The following CNTNAP5 variants were observed in gnomAD, a reference collection of about 807,000 sequenced individuals.
The protein encoded by CNTNAP5 is contactin-associated protein-like 5.
CNTNAP5 carries 72 observed loss-of-function variants against 150.2 expected under a neutral mutation model. The observed-to-expected ratio is 0.48, with a 90% CI of 0.40 to 0.58. The LOEUF is 0.58. Ranked by LOEUF, CNTNAP5 falls within the 20% of genes least tolerant of loss-of-function variation. The probability of loss-of-function intolerance (pLI) is 0.00; values close to 1 mark genes in which losing one functional copy is unlikely to be tolerated. For missense variants in CNTNAP5, 1,636 were observed against 1,626.2 expected (o/e 1.01, Z -0.10); for synonymous variants, 672 against 619.8 (o/e 1.08, Z -1.25).
chr2:124,460,286 A>T (rs969943658), intron 6 of CNTNAP5, among the ~76,000 whole-genome samples: 1 of 152,158 alleles, frequency 6.6e-6, no homozygotes, highest in African/African-American at 2.4e-5. Context: ...TTTACTGCAT[A>T]CCCTCTTTAA....
chr2:124,821,011 G>C (rs1371809033), intron 19 of CNTNAP5, among the ~76,000 whole-genome samples: 1 of 152,224 alleles, frequency 6.6e-6, no homozygotes, highest in African/African-American at 2.4e-5. Flanking sequence ...CAGGCTCTTT[G>C]TCAAAGGAAG....
At chr2:124,367,493 C>A (rs1013143439) in intron 3 of CNTNAP5, among the ~76,000 whole-genome samples, 4 of 152,176 alleles carry the variant, frequency 2.6e-5, no homozygotes, top group African/African-American at 9.7e-5. Flanking sequence ...TTACCTCCCA[C>A]TGGGTCCCTC....
chr2:124,486,535 A>G (rs1693884037), intron 7 of CNTNAP5, among the ~76,000 whole-genome samples: 2 of 152,252 alleles, frequency 1.3e-5, no homozygotes, highest in South Asian at 4.1e-4. Context: ...TAATTAGCAC[A>G]ACTGCCAATC....
chr2:124,261,711 C>T (rs1218320135), intron 3 of CNTNAP5, among the ~76,000 whole-genome samples: 1 of 152,134 alleles, frequency 6.6e-6, no homozygotes, highest in Non-Finnish European at 1.5e-5. Flanking sequence ...AGGCAAGTTA[C>T]TATTTCTGCA....
chr2:124,110,412 TA>T (rs914647522), intron 1 of CNTNAP5, among the ~76,000 whole-genome samples: 3 of 151,824 alleles, frequency 2.0e-5, no homozygotes, highest in African/African-American at 4.8e-5. Flanking sequence ...GTTAAAACAA[TA>T]AAAAAAGGCC....
intron 8 of CNTNAP5, among the ~76,000 whole-genome samples, chr2:124,522,492 C>A (rs1382350382): frequency 6.6e-6 from 1 of 152,158 alleles, no homozygotes; most frequent in East Asian, 1.9e-4. Flanking sequence ...ACCTCCCACC[C>A]TGATATTACC....
intron 3 of CNTNAP5, among the ~76,000 whole-genome samples, chr2:124,291,701 G>A (rs772544213): frequency 2.0e-4 from 30 of 151,978 alleles, no homozygotes; most frequent in Non-Finnish European, 3.5e-4. Context: ...CCTTGAAATG[G>A]CCTTCAAATT....
intron 6 of CNTNAP5, among the ~76,000 whole-genome samples, chr2:124,458,468 T>C (rs74805958): frequency 0.042 from 6,404 of 151,584 alleles, 158 homozygotes; most frequent in Non-Finnish European, 0.051. Context: ...TGCTAAGCTA[T>C]GAGGATGCAA....
At chr2:124,088,673 A>C (rs1682750767) in intron 1 of CNTNAP5, among the ~76,000 whole-genome samples, 1 of 151,954 alleles carries the variant, frequency 6.6e-6, no homozygotes, top group Non-Finnish European at 1.5e-5. Context: ...TTCAGTCTCC[A>C]TTGGTACCTG....
Position 124,914,530 on chromosome 2 carries a change from C to T in CNTNAP5, c.*242C>T, listed in dbSNP as rs149678732. ...TGAAAACGACCACTCAAGAGACTGA[C>T]TTCGCCATTCAAGACAAGGAAGAGA... On this transcript the variant is annotated 3_prime_UTR_variant, in exon 24 of 24. Coordinates refer to ENST00000682447, the MANE Select transcript of CNTNAP5 (RefSeq NM_001367498.1). The T allele has an allele frequency of 1.9e-5, 9 of 471,158 alleles. No homozygotes were observed. Among genetic ancestry groups the T allele is most frequent in the African/African-American group, 1.8e-4 (9 of 51,072 alleles). The allele number at this position is 471,158 out of a possible 1,614,324, so 29.2% of individuals were successfully genotyped here.
At chr2:124,310,624 A>T (rs72839443) in intron 3 of CNTNAP5, among the ~76,000 whole-genome samples, 30,926 of 150,752 alleles carry the variant, frequency 0.21, 3,282 homozygotes, top group Middle Eastern at 0.24. Context: ...TTTTTTTTTT[A>T]AATTTGTATT....
chr2:124,791,254 A>G (rs545061115), intron 18 of CNTNAP5, among the ~76,000 whole-genome samples: 91 of 152,236 alleles, frequency 6.0e-4, no homozygotes, highest in Non-Finnish European at 1.2e-3. Context: ...TCATTCATAC[A>G]GGGGCCTTCT....
rs139403628 is a variant in CNTNAP5, at chr2:124,771,969, G to T, written c.2534-830G>T. Among the ~76,000 whole-genome samples the T allele has an allele frequency of 9.6e-3, 1,326 of 138,650 alleles. 23 individuals carry two copies. Among genetic ancestry groups the T allele is most frequent in the African/African-American group, 0.034 (1,251 of 36,744 alleles). The allele number at this position is 138,650 out of a possible 152,430, so 91.0% of individuals were successfully genotyped here. ...CAACCATTATCACCACCATTGCCAC[G>T]ACCACCACCATCATCATCACCACCA... On this transcript the variant is annotated intron_variant, in intron 16 of 23. Transcript: ENST00000682447.
intron 1 of CNTNAP5, among the ~76,000 whole-genome samples, chr2:124,080,705 C>T (rs1423357505): frequency 6.6e-6 from 1 of 152,166 alleles, no homozygotes; most frequent in Admixed American, 6.5e-5. Context: ...TTTGAAAATA[C>T]CTTGACTGAA....
intron 3 of CNTNAP5, among the ~76,000 whole-genome samples, chr2:124,252,102 G>A (rs1028292543): frequency 5.9e-5 from 9 of 152,162 alleles, no homozygotes. Flanking sequence ...CATCCTCCAG[G>A]CCTTCCCTAT....
chr2:124,801,118 A>G (rs1681957814), intron 19 of CNTNAP5, among the ~76,000 whole-genome samples: 1 of 152,146 alleles, frequency 6.6e-6, no homozygotes, highest in Non-Finnish European at 1.5e-5. Flanking sequence ...AATCCTGGAC[A>G]TCTCTTGCCA....
At chr2:124,738,367 AAG>A (rs902248500) in intron 13 of CNTNAP5, among the ~76,000 whole-genome samples, 1 of 152,202 alleles carries the variant, frequency 6.6e-6, no homozygotes, top group African/African-American at 2.4e-5. Context: ...AAAGATTTAT[AAG>A]AGTGTCTCAA....
chr2:124,148,804 C>A (rs1684327437), intron 1 of CNTNAP5, among the ~76,000 whole-genome samples: 1 of 148,308 alleles, frequency 6.7e-6, no homozygotes, highest in African/African-American at 2.5e-5. Flanking sequence ...TGTGTGTATA[C>A]ATGTGTGTAT....
At chr2:124,358,685 G>GCTT (rs1479671335) in intron 3 of CNTNAP5, among the ~76,000 whole-genome samples, 1 of 152,148 alleles carries the variant, frequency 6.6e-6, no homozygotes, top group Admixed American at 6.5e-5. Context: ...GCTTTTTGAT[G>GCTT]TGCTGCTGGA....
Sources: gnomAD v4.1 joint callset for allele counts (sites outside exome capture counted in the v4.1 genomes callset) on GRCh38, gnomAD v4.1.1 for gene constraint, MANE v1.5 for transcripts, NCBI Gene and HGNC (gene_info 2026-07-23, HGNC 2026-07-21) for gene names.